Variants in ANKS1B observed in about 807,000 individuals in gnomAD.
The protein encoded by ANKS1B is ankyrin repeat and sterile alpha motif domain-containing protein 1B.
ANKS1B carries 36 observed loss-of-function variants against 148.3 expected under a neutral mutation model. The ratio of observed to expected loss-of-function variants is 0.24; its 90% CI spans 0.19 to 0.32. ANKS1B has a LOEUF of 0.32. ANKS1B is among the 10% of genes least tolerant of loss of function. ANKS1B has a pLI of 1.00. For synonymous variants in ANKS1B, 542 were observed against 560.8 expected, an observed-to-expected ratio of 0.97 and a Z score of 0.47; for missense variants, 1,157 against 1,542.6, an observed-to-expected ratio of 0.75 and a Z score of 4.19.
chr12:99,076,889 T>C (rs1393847095), intron 16 of ANKS1B, among the ~76,000 whole-genome samples: 1 of 152,126 alleles, frequency 6.6e-6, no homozygotes, highest in Admixed American at 6.6e-5. Context: ...GAATCATCTA[T>C]GGCTATTTTC....
chr12:99,574,381 G>A (rs1156823552), intron 9 of ANKS1B, among the ~76,000 whole-genome samples: 3 of 152,020 alleles, frequency 2.0e-5, no homozygotes, highest in Non-Finnish European at 4.4e-5. Flanking sequence ...AAGACATTCA[G>A]TAGAGAGGAT....
chr12:99,159,888 C>T (rs2076465055), intron 14 of ANKS1B, among the ~76,000 whole-genome samples: 1 of 152,078 alleles, frequency 6.6e-6, no homozygotes, highest in African/African-American at 2.4e-5. Flanking sequence ...TCACCAGCAG[C>T]TATTATTATG....
chr12:99,378,161 G>A (rs555699795), intron 12 of ANKS1B, among the ~76,000 whole-genome samples: 2 of 152,226 alleles, frequency 1.3e-5, no homozygotes, highest in Non-Finnish European at 2.9e-5. Flanking sequence ...ATGCCTCATA[G>A]GTCCTCCCTG....
At chr12:99,367,236 C>T (rs146463552) in intron 12 of ANKS1B, among the ~76,000 whole-genome samples, 138 of 151,990 alleles carry the variant, frequency 9.1e-4, no homozygotes, top group African/African-American at 3.2e-3. Context: ...ATTCAAAATC[C>T]GAATAGAAAA....
At chr12:99,373,866 A>T (rs1392500805) in intron 12 of ANKS1B, among the ~76,000 whole-genome samples, 1 of 152,176 alleles carries the variant, frequency 6.6e-6, no homozygotes, top group Non-Finnish European at 1.5e-5. Flanking sequence ...AATAGTAGAG[A>T]ACTTTGCCTA....
chr12:99,070,336 C>T (rs913448258), intron 16 of ANKS1B, among the ~76,000 whole-genome samples: 1 of 152,174 alleles, frequency 6.6e-6, no homozygotes, highest in African/African-American at 2.4e-5. Flanking sequence ...CAAAGAAATA[C>T]CACGTAATGA....
At chr12:99,373,085 C>A (rs2093226533) in intron 12 of ANKS1B, among the ~76,000 whole-genome samples, 1 of 152,114 alleles carries the variant, frequency 6.6e-6, no homozygotes, top group Non-Finnish European at 1.5e-5. Flanking sequence ...CCAAGAAGAT[C>A]ACTAGTAAAT....
In ANKS1B at chr12:99,846,669, G is replaced by GGT. The variant is rs199690448; in HGVS notation, c.135-21281_135-21280insAC. ...ATTTAAAAAGATTATATGAGATACTGTGATATTTTGCTGCCTTCAGGTTAC... is the reference window on the plus strand; with the variant it reads ...ATTTAAAAAGATTATATGAGATACTGGTTGATATTTTGCTGCCTTCAGGTTAC... On this transcript the variant is annotated intron_variant, in intron 1 of 26. Transcript: ENST00000683438. Among the ~76,000 whole-genome samples the GGT allele has an allele frequency of 8.3e-3, 1,263 of 152,186 alleles. 14 individuals are homozygous for GGT. Among genetic ancestry groups the GGT allele is most frequent in the African/African-American group, 0.029 (1,196 of 41,518 alleles).
intron 10 of ANKS1B, among the ~76,000 whole-genome samples, chr12:99,461,716 C>T (rs12821600): frequency 6.6e-6 from 1 of 152,314 alleles, no homozygotes; most frequent in African/African-American, 2.4e-5. Flanking sequence ...TGGGAACTGT[C>T]AGTTTCCTCG....
chr12:98,838,645 G>C (rs548079624), intron 17 of ANKS1B, among the ~76,000 whole-genome samples: 6 of 152,098 alleles, frequency 3.9e-5, no homozygotes, highest in Non-Finnish European at 7.4e-5. Context: ...TCCTGCATTT[G>C]GAACTCCCTT....
At chr12:99,274,056 G>A (rs1602301590) in intron 12 of ANKS1B, among the ~76,000 whole-genome samples, 1 of 152,088 alleles carries the variant, frequency 6.6e-6, no homozygotes, top group Non-Finnish European at 1.5e-5. Flanking sequence ...GAGACTCAAG[G>A]CATGCCCTTA....
chr12:99,011,530 T>A (rs2099939415), intron 17 of ANKS1B, among the ~76,000 whole-genome samples: 1 of 152,208 alleles, frequency 6.6e-6, no homozygotes, highest in Non-Finnish European at 1.5e-5. Flanking sequence ...ACTCTGGCTA[T>A]AAAGAAAAGG....
At chr12:99,275,060 T>G (rs963684496) in intron 12 of ANKS1B, among the ~76,000 whole-genome samples, 1 of 152,168 alleles carries the variant, frequency 6.6e-6, no homozygotes, top group Non-Finnish European at 1.5e-5. Flanking sequence ...TATTTTAAAA[T>G]TTTTGTGGGT....
At chr12:99,867,683 A>C (rs2090939941) in intron 1 of ANKS1B, among the ~76,000 whole-genome samples, 1 of 152,226 alleles carries the variant, frequency 6.6e-6, no homozygotes, top group Non-Finnish European at 1.5e-5. Context: ...CTTGGGAATT[A>C]TGGGAGCTAC....
intron 12 of ANKS1B, among the ~76,000 whole-genome samples, chr12:99,337,625 A>G (rs1003427026): frequency 2.6e-5 from 4 of 152,180 alleles, no homozygotes; most frequent in Admixed American, 6.5e-5. Flanking sequence ...ACTTGTTTGT[A>G]CCCATTCTTC....
chr12:99,768,282 C>T (rs1343502121), intron 8 of ANKS1B, among the ~76,000 whole-genome samples: 1 of 152,090 alleles, frequency 6.6e-6, no homozygotes, highest in Non-Finnish European at 1.5e-5. Context: ...AAATAACAGA[C>T]ATACAGAAAT....
At chr12:99,122,747 T>C (rs1019447060) in intron 15 of ANKS1B, among the ~76,000 whole-genome samples, 1 of 152,152 alleles carries the variant, frequency 6.6e-6, no homozygotes, top group African/African-American at 2.4e-5. Context: ...GCACTCTGCA[T>C]TCTTACATCT....
intron 14 of ANKS1B, among the ~76,000 whole-genome samples, chr12:99,205,178 G>A (rs1317686827): frequency 6.6e-6 from 1 of 152,138 alleles, no homozygotes; most frequent in African/African-American, 2.4e-5. Context: ...GCGAGATGAT[G>A]GCCAAATCTC....
chr12:99,936,209 G>T (rs1380317248), intron 1 of ANKS1B, among the ~76,000 whole-genome samples: 1 of 152,160 alleles, frequency 6.6e-6, no homozygotes, highest in African/African-American at 2.4e-5. Context: ...TATCAGGTGA[G>T]AATCTTGGGA....
Sources: allele counts gnomAD v4.1 joint callset (sites outside exome capture counted in the v4.1 genomes callset), GRCh38; gene constraint gnomAD v4.1.1; transcripts MANE v1.5; gene names NCBI Gene and HGNC (gene_info 2026-07-23, HGNC 2026-07-21).